The following SPAG16 variants were observed in gnomAD, a reference collection of about 807,000 sequenced individuals.
SPAG16 encodes the protein sperm associated antigen 16, also known as sperm-associated antigen 16 protein.
In SPAG16, 86 loss-of-function variants were observed where a neutral mutation model predicts 80.4. That is an observed-to-expected ratio of 1.07 (90% confidence interval 0.90 to 1.28). The LOEUF is 1.28. Ranked by LOEUF, SPAG16 falls within the 50% of genes most tolerant of loss-of-function variation. SPAG16 has a pLI of 0.00. For missense variants in SPAG16, 870 were observed against 765.3 expected (o/e 1.14, Z -1.61); for synonymous variants, 294 against 265.9 (o/e 1.11, Z -1.03).
chr2:213,807,370 G>A (rs1050529755), intron 10 of SPAG16, among the ~76,000 whole-genome samples: 5 of 151,592 alleles, frequency 3.3e-5, no homozygotes, highest in African/African-American at 1.2e-4. Flanking sequence ...CCTACATAGT[G>A]CCATTCATTC....
intron 10 of SPAG16, among the ~76,000 whole-genome samples, chr2:213,723,991 A>T (rs1243572022): frequency 1.3e-5 from 2 of 152,194 alleles, no homozygotes; most frequent in African/African-American, 4.8e-5. Flanking sequence ...TGAGAGAGAG[A>T]AAGAAAGATA....
intron 10 of SPAG16, among the ~76,000 whole-genome samples, chr2:213,573,203 C>A (rs574832259): frequency 1.3e-5 from 2 of 152,156 alleles, no homozygotes; most frequent in East Asian, 3.9e-4. Context: ...TCTTCTGCGT[C>A]GGTCACGCTG....
intron 15 of SPAG16, among the ~76,000 whole-genome samples, chr2:214,166,479 G>A (rs959206412): frequency 6.6e-6 from 1 of 152,130 alleles, no homozygotes; most frequent in East Asian, 1.9e-4. Flanking sequence ...CCATCAGGCC[G>A]ACTTACTCCT....
intron 9 of SPAG16, among the ~76,000 whole-genome samples, chr2:213,404,881 C>T (rs1036480738): frequency 3.3e-5 from 5 of 151,880 alleles, no homozygotes; most frequent in Admixed American, 3.3e-4. Context: ...TTTACTTGAA[C>T]TTATTTGTGT....
chr2:213,411,206 T>G (rs1311788000), intron 9 of SPAG16, among the ~76,000 whole-genome samples: 1 of 152,178 alleles, frequency 6.6e-6, no homozygotes, highest in Non-Finnish European at 1.5e-5. Context: ...AAATAAGACA[T>G]TGTAAAGCAA....
intron 9 of SPAG16, among the ~76,000 whole-genome samples, chr2:213,462,853 G>A (rs1008482651): frequency 2.0e-5 from 3 of 152,106 alleles, no homozygotes; most frequent in Admixed American, 6.5e-5. Context: ...ACAGTAAATC[G>A]GTACCACAGA....
At chr2:213,922,507 A>C (rs563055048) in intron 11 of SPAG16, among the ~76,000 whole-genome samples, 1 of 152,238 alleles carries the variant, frequency 6.6e-6, no homozygotes, top group South Asian at 2.1e-4. Context: ...TCCTGTTCAT[A>C]TTCTGAATTC....
At chr2:214,204,348 C>T (rs967321348) in intron 15 of SPAG16, among the ~76,000 whole-genome samples, 1 of 152,228 alleles carries the variant, frequency 6.6e-6, no homozygotes, top group African/African-American at 2.4e-5. Context: ...TTGAAAGCAC[C>T]ACCTTCTGGC....
intron 10 of SPAG16, among the ~76,000 whole-genome samples, chr2:213,492,374 C>T (rs767014552): frequency 6.6e-6 from 1 of 151,898 alleles, no homozygotes; most frequent in Non-Finnish European, 1.5e-5. Flanking sequence ...CACAGTGAAA[C>T]CCTCTCTCTA....
chr2:213,443,515 G>T (rs1206443059), intron 9 of SPAG16, among the ~76,000 whole-genome samples: 20 of 152,048 alleles, frequency 1.3e-4, no homozygotes, highest in Non-Finnish European at 1.5e-5. Flanking sequence ...ATATTCCATT[G>T]TATATGTATT....
chr2:213,983,938 C>A (rs1230094785), intron 12 of SPAG16, among the ~76,000 whole-genome samples: 1 of 151,960 alleles, frequency 6.6e-6, no homozygotes, highest in East Asian at 1.9e-4. Flanking sequence ...AATTCCTGCC[C>A]TTATCATATA....
intron 10 of SPAG16, among the ~76,000 whole-genome samples, chr2:213,628,171 T>TA (rs1309903732): frequency 1.3e-5 from 2 of 152,198 alleles, no homozygotes; most frequent in African/African-American, 4.8e-5. Flanking sequence ...AATATCCAGT[T>TA]AGAGTTCAAT....
At chr2:213,522,028 G>C (rs559935130) in intron 10 of SPAG16, among the ~76,000 whole-genome samples, 2 of 152,158 alleles carry the variant, frequency 1.3e-5, no homozygotes, top group Non-Finnish European at 2.9e-5. Flanking sequence ...ATGGAATTAG[G>C]GAACTGCAGA....
chr2:213,370,235 A>G (rs1003133819), intron 8 of SPAG16, among the ~76,000 whole-genome samples: 1 of 152,212 alleles, frequency 6.6e-6, no homozygotes, highest in South Asian at 2.1e-4. Context: ...AATAATAAAA[A>G]GTCTAAAACT....
intron 13 of SPAG16, among the ~76,000 whole-genome samples, chr2:214,093,150 C>T (rs1177461479): frequency 6.6e-6 from 1 of 151,986 alleles, no homozygotes; most frequent in Non-Finnish European, 1.5e-5. Context: ...CCTCTCTGAT[C>T]CTTTAGTTCT....
chr2:214,126,000 TTCCTTCCTTCCTTCCTTCCTTCCTTCC>T, intron 14 of SPAG16, among the ~76,000 whole-genome samples: 2 of 7,694 alleles, frequency 2.6e-4, no homozygotes, highest in African/African-American at 4.1e-4. Flanking sequence ...CCTTCCTTCT[TTCCTTCCTTCCTTCCTTCCTTCCTTCC>T]TTCCTTCCTT....
intron 13 of SPAG16, among the ~76,000 whole-genome samples, chr2:214,014,398 G>C (rs1399480634): frequency 6.6e-6 from 1 of 152,198 alleles, no homozygotes; most frequent in Non-Finnish European, 1.5e-5. Context: ...TTTTAGCTAG[G>C]TAAAGGAAGA....
At chr2:213,454,395 A>G (rs948560747) in intron 9 of SPAG16, among the ~76,000 whole-genome samples, 1 of 152,170 alleles carries the variant, frequency 6.6e-6, no homozygotes, top group African/African-American at 2.4e-5. Flanking sequence ...TCTATAGGAT[A>G]ATAACAAGAT....
At chr2:213,886,398 GA>G (rs1280513047) in intron 11 of SPAG16, among the ~76,000 whole-genome samples, 3 of 152,050 alleles carry the variant, frequency 2.0e-5, no homozygotes, top group African/African-American at 7.2e-5. Context: ...GCTAGAGAAA[GA>G]GGGGCATTAA....
Sources: gnomAD v4.1 joint callset for allele counts (sites outside exome capture counted in the v4.1 genomes callset) on GRCh38, gnomAD v4.1.1 for gene constraint, MANE v1.5 for transcripts, NCBI Gene and HGNC (gene_info 2026-07-23, HGNC 2026-07-21) for gene names.